Variants in WLS observed in about 807,000 individuals in gnomAD.
WLS encodes Wnt ligand secretion mediator, also known as protein wntless homolog.
In WLS, 23 loss-of-function variants were observed where a neutral mutation model predicts 62.8. That is an observed-to-expected ratio of 0.37 (90% CI 0.26 to 0.52). WLS has a LOEUF of 0.52. WLS is among the 20% of genes least tolerant of loss of function. WLS has a pLI of 0.92. For missense variants in WLS, 615 were observed against 697.3 expected (o/e 0.88, Z 1.33); for synonymous variants, 246 against 244.1 (o/e 1.01, Z -0.07).
chr1:68,169,667 C>A (rs1388669419), intron 2 of WLS, among the ~76,000 whole-genome samples: 1 of 152,212 alleles, frequency 6.6e-6, no homozygotes, highest in African/African-American at 2.4e-5. Context: ...CTTGTTCAGG[C>A]CACCATTATC....
At chr1:68,203,934 A>G (rs980056267) in intron 1 of WLS, among the ~76,000 whole-genome samples, 13 of 152,336 alleles carry the variant, frequency 8.5e-5, no homozygotes, top group African/African-American at 3.1e-4. Context: ...AGTCACACCA[A>G]AATAAGTCTC....
At position 68,166,182 on chromosome 1, in the gene WLS, ATATTT is replaced by A. The variant is rs1202537571; in HGVS notation, c.380-6940_380-6936del. On this transcript the variant is annotated intron_variant, in intron 2 of 11. Transcript: ENST00000262348. Reference sequence around the variant, plus strand: ...CCAACAATTCCATGAAGTGGACAGAATATTTTATTTTAATTAATGAGTAAAGTGAT... The same window carrying A: ...CCAACAATTCCATGAAGTGGACAGAATATTTTAATTAATGAGTAAAGTGAT... Among the ~76,000 whole-genome samples the A allele has an allele frequency of 1.1e-4, 17 of 152,358 alleles. No homozygotes were observed. The East Asian group carries it at 2.5e-3, about 22-fold the overall frequency.
intron 10 of WLS, 127 bp from the exon 11 acceptor site, chr1:68,138,060 G>T (rs1235606615): frequency 2.9e-6 from 3 of 1,036,546 alleles, no homozygotes; most frequent in Non-Finnish European, 4.2e-6. Context: ...GAAGGGCCAT[G>T]TAAGACTCCA....
At chr1:68,147,771 C>T (rs1646771572) in intron 8 of WLS, among the ~76,000 whole-genome samples, 1 of 152,186 alleles carries the variant, frequency 6.6e-6, no homozygotes, top group Non-Finnish European at 1.5e-5. Flanking sequence ...GTTTCAGAAA[C>T]AGGCTCTTCC....
At chr1:68,130,418 G>T (rs1646501800) in intron 11 of WLS, among the ~76,000 whole-genome samples, 1 of 152,164 alleles carries the variant, frequency 6.6e-6, no homozygotes, top group Admixed American at 6.5e-5. Flanking sequence ...TACACAATGT[G>T]TGCCGGAGCC....
chr1:68,113,888 T>A (rs1646258634), intron 11 of WLS, among the ~76,000 whole-genome samples: 1 of 152,126 alleles, frequency 6.6e-6, no homozygotes. Flanking sequence ...AAAGAGTACA[T>A]CCCATGCCTC....
At chr1:68,138,574 T>A (rs895370631) in intron 10 of WLS, 1 of 152,224 alleles carries the variant, frequency 6.6e-6, no homozygotes, top group African/African-American at 2.4e-5. Context: ...AGTAAGCCAC[T>A]CATGAAAATA....
chr1:68,147,212 C>T (rs1270783162), intron 8 of WLS, among the ~76,000 whole-genome samples: 1 of 152,176 alleles, frequency 6.6e-6, no homozygotes, highest in African/African-American at 2.4e-5. Context: ...AAATTTTACT[C>T]ACTCCATCCT....
intron 10 of WLS, chr1:68,141,648 C>G (rs1317791748): frequency 6.6e-6 from 1 of 152,148 alleles, no homozygotes; most frequent in Admixed American, 6.5e-5. Flanking sequence ...TAAATGCAAG[C>G]TCTCCCACAG....
intron 10 of WLS, chr1:68,138,310 C>A (rs770016141): frequency 4.8e-6 from 1 of 208,914 alleles, no homozygotes; most frequent in Non-Finnish European, 9.6e-6. Context: ...GATGTCAATT[C>A]CCTGCAGGCA....
At chr1:68,159,315 A>G (rs745750801) in intron 2 of WLS, 68 bp from the exon 3 acceptor site, 159 of 1,571,162 alleles carry the variant, frequency 1.0e-4, no homozygotes, top group Non-Finnish European at 1.3e-4. Flanking sequence ...AGCTCAAAAA[A>G]TTCTTATAGG....
chr1:68,183,636 G>GATGAAATTCA (rs936836766), intron 2 of WLS: 3 of 434,954 alleles, frequency 6.9e-6, no homozygotes, highest in African/African-American at 6.3e-5. Flanking sequence ...TTTGTAGAAG[G>GATGAAATTCA]ATGAAATTCA....
At chr1:68,205,686 A>G (rs1414198203) in intron 1 of WLS, among the ~76,000 whole-genome samples, 3 of 152,202 alleles carry the variant, frequency 2.0e-5, no homozygotes, top group Non-Finnish European at 2.9e-5. Flanking sequence ...TGTAGGGAAG[A>G]TTTTGGCCAT....
chr1:68,181,723 G>A (rs181814034), intron 2 of WLS, among the ~76,000 whole-genome samples: 6 of 152,242 alleles, frequency 3.9e-5, no homozygotes, highest in African/African-American at 1.4e-4. Context: ...GTGCCACCGT[G>A]GGCGAGTACC....
At chr1:68,133,714 A>G (rs1040336833) in intron 11 of WLS, among the ~76,000 whole-genome samples, 1 of 152,218 alleles carries the variant, frequency 6.6e-6, no homozygotes, top group Non-Finnish European at 1.5e-5. Context: ...TGTCCATTCT[A>G]TGACCAAAAG....
chr1:68,128,037 A>C (rs1043963864), intron 11 of WLS, among the ~76,000 whole-genome samples: 3 of 152,202 alleles, frequency 2.0e-5, no homozygotes, highest in Non-Finnish European at 4.4e-5. Context: ...CTGGCCTCAG[A>C]AGCAGACTCA....
chr1:68,167,242 G>A (rs1253084369), intron 2 of WLS, among the ~76,000 whole-genome samples: 2 of 152,168 alleles, frequency 1.3e-5, no homozygotes, highest in African/African-American at 2.4e-5. Flanking sequence ...TAATTACCAG[G>A]TTTCAGGAAC....
At chr1:68,173,503 T>C (rs887068348) in intron 2 of WLS, among the ~76,000 whole-genome samples, 4 of 152,178 alleles carry the variant, frequency 2.6e-5, no homozygotes, top group African/African-American at 9.7e-5. Context: ...GTTCACAGAC[T>C]GACAGCTGCA....
Position 68,106,109 on chromosome 1 carries a change from T to A in WLS, c.1511-7356A>T, listed in dbSNP as rs72936641. On this transcript the variant is annotated intron_variant, in intron 11 of 11. Transcript: ENST00000354777. ...GGTGGGGAGTTAGGACTAGGAAGAA[T>A]CACAGCCAAAAACAACTAACAGTAA... 1.9e-3 allele frequency among the ~76,000 whole-genome samples: 284 copies of A among 152,152 alleles called. 2 individuals are homozygous for A. The highest frequency in any genetic ancestry group is 6.6e-3 in the African/African-American group (274 of 41,514).
Sources: gnomAD v4.1 joint callset for allele counts (sites outside exome capture counted in the v4.1 genomes callset) on GRCh38, gnomAD v4.1.1 for gene constraint, MANE v1.5 for transcripts, NCBI Gene and HGNC (gene_info 2026-07-23, HGNC 2026-07-21) for gene names.